Variants in NLK observed in about 807,000 individuals in gnomAD.
NLK encodes serine/threonine-protein kinase NLK.
NLK carries 11 observed loss-of-function variants against 59.0 expected under a neutral mutation model. That is an observed-to-expected ratio of 0.19 (90% CI 0.12 to 0.31). The LOEUF (loss-of-function observed/expected upper bound fraction) is 0.31. NLK is among the 10% of genes least tolerant of loss of function. The pLI is 1.00. For synonymous variants in NLK, 235 were observed against 235.9 expected (o/e 1.00, Z 0.03); for missense variants, 410 against 661.1 (o/e 0.62, Z 4.16).
At chr17:28,201,556 G>C in the NLK span, among the ~76,000 whole-genome samples, 5 of 151,462 alleles carry the variant, frequency 3.3e-5, no homozygotes, top group Non-Finnish European at 7.4e-5. Flanking sequence ...AAAAAGAAAA[G>C]AAAAGAAAAA....
intron 1 of NLK, among the ~76,000 whole-genome samples, chr17:28,054,490 A>T (rs945903727): frequency 1.3e-5 from 2 of 152,250 alleles, no homozygotes; most frequent in African/African-American, 4.8e-5. Flanking sequence ...GTCGACCAAC[A>T]AAGCACCTTT....
chr17:28,144,396 CAAA>C (rs984366292), intron 3 of NLK, among the ~76,000 whole-genome samples: 2 of 81,572 alleles, frequency 2.5e-5, no homozygotes, highest in Admixed American at 1.2e-4. Flanking sequence ...CAGGTGAAGC[CAAA>C]AAAAAAAAAA....
chr17:28,158,309 A>G (rs889241295), intron 3 of NLK, among the ~76,000 whole-genome samples: 3 of 152,240 alleles, frequency 2.0e-5, no homozygotes, highest in Non-Finnish European at 4.4e-5. Context: ...CAGTAAAAAT[A>G]TGATATAAAA....
chr17:28,200,323 A>AT (rs1164121960), downstream of NLK, among the ~76,000 whole-genome samples: 2 of 151,966 alleles, frequency 1.3e-5, no homozygotes, highest in Non-Finnish European at 2.9e-5. Flanking sequence ...TTTTGAGCTA[A>AT]TTTTTGTATA....
intron 1 of NLK, among the ~76,000 whole-genome samples, chr17:28,073,573 A>T (rs146150942): frequency 6.6e-6 from 1 of 152,260 alleles, no homozygotes; most frequent in African/African-American, 2.4e-5. Context: ...CTTTTATTCT[A>T]TACTCATATC....
Position 28,168,579 on chromosome 17 carries a change from C to T in NLK, c.969C>T (p.Asp323=). Residue 323 remains aspartate (D), a synonymous_variant, in exon 6 of 11, where the codon GAC becomes GAT. Coordinates refer to ENST00000407008, the MANE Select transcript of NLK (RefSeq NM_016231.5). ...MGSRHYSNAI[D]IWSVGCIFAE... ...GCCGTCATTACAGCAATGCTATTGA[C>T]ATCTGGTCTGTGGGATGTATCTTTG... 6.2e-7 allele frequency: 1 copy of T among 1,613,874 alleles called. No individual in the cohort carries two copies. The highest frequency in any genetic ancestry group is 1.6e-4 in the Middle Eastern group (1 of 6,062).
intron 1 of NLK, among the ~76,000 whole-genome samples, chr17:28,115,935 C>T (rs1013292911): frequency 1.6e-4 from 24 of 151,488 alleles, no homozygotes; most frequent in African/African-American, 5.6e-4. Flanking sequence ...TATAATTAGA[C>T]CCCATTATAC....
At chr17:28,100,566 C>A (rs1323836982) in intron 1 of NLK, among the ~76,000 whole-genome samples, 4 of 152,102 alleles carry the variant, frequency 2.6e-5, no homozygotes, top group African/African-American at 7.2e-5. Flanking sequence ...AGTGTGGAGA[C>A]CTTCCCTCAG....
At chr17:28,060,822 G>A (rs1010729784) in intron 1 of NLK, among the ~76,000 whole-genome samples, 1 of 152,180 alleles carries the variant, frequency 6.6e-6, no homozygotes, top group African/African-American at 2.4e-5. Flanking sequence ...ATGGATGGAT[G>A]GAGTCTTGAT....
At chr17:28,050,296 A>C (rs534081201) in intron 1 of NLK, among the ~76,000 whole-genome samples, 14 of 152,316 alleles carry the variant, frequency 9.2e-5, no homozygotes, top group African/African-American at 3.4e-4. Context: ...GCCTATATGC[A>C]GGAGACTACA....
chr17:28,097,492 G>A (rs577221410), intron 1 of NLK, among the ~76,000 whole-genome samples: 1 of 152,142 alleles, frequency 6.6e-6, no homozygotes, highest in African/African-American at 2.4e-5. Context: ...AATTGGTTAG[G>A]CATGGTCCTT....
At chr17:28,094,448 G>A (rs572673742) in intron 1 of NLK, among the ~76,000 whole-genome samples, 4 of 152,272 alleles carry the variant, frequency 2.6e-5, no homozygotes, top group South Asian at 4.2e-4. Flanking sequence ...TTTGCTGACC[G>A]AGTTCAAAGC....
intron 1 of NLK, among the ~76,000 whole-genome samples, chr17:28,045,717 A>G (rs775747723): frequency 6.6e-6 from 1 of 152,202 alleles, no homozygotes; most frequent in Non-Finnish European, 1.5e-5. Flanking sequence ...GTATGACCTA[A>G]GTAAGACTGT....
At chr17:28,130,085 G>A (rs1048890839) in intron 2 of NLK, among the ~76,000 whole-genome samples, 1 of 152,102 alleles carries the variant, frequency 6.6e-6, no homozygotes, top group African/African-American at 2.4e-5. Flanking sequence ...GAAATCCTTT[G>A]AAGAGTGTGG....
In NLK at chr17:28,042,715, A is replaced by G. The variant is rs973387674; in HGVS notation, c.-159A>G. 2 of 644,052 alleles carry G rather than the reference A, an allele frequency of 3.1e-6. No individual in the cohort carries two copies. The highest frequency in any genetic ancestry group is 3.7e-5 in the African/African-American group (2 of 53,462). 39.9% of individuals were successfully genotyped at this position (644,052 alleles called of 1,614,324 possible). On this transcript the variant is annotated 5_prime_UTR_variant, in exon 1 of 11. Transcript: ENST00000407008. The stretch of plus-strand genomic sequence containing the variant: ...ACACCCTTCCACACACGCTCACCCC[A>G]AAATTAAACACCAAGATCCTCTAAC...
chr17:28,135,979 A>G (rs1452881543), intron 3 of NLK, among the ~76,000 whole-genome samples: 3 of 152,210 alleles, frequency 2.0e-5, no homozygotes, highest in Non-Finnish European at 4.4e-5. Context: ...TAGCATAGTT[A>G]TGGTTTAAAA....
intron 3 of NLK, among the ~76,000 whole-genome samples, chr17:28,142,405 A>G (rs1907041021): frequency 6.6e-6 from 1 of 152,234 alleles, no homozygotes; most frequent in Non-Finnish European, 1.5e-5. Context: ...AGAGAAGCAC[A>G]GGCATGCTTC....
At chr17:28,095,445 ACTCAACAT>A (rs1904667391) in intron 1 of NLK, among the ~76,000 whole-genome samples, 1 of 152,176 alleles carries the variant, frequency 6.6e-6, no homozygotes, top group Non-Finnish European at 1.5e-5. Flanking sequence ...TCAGACTGTA[ACTCAACAT>A]AGTTGTGGAA....
rs143815632 is a variant in NLK at position 28,081,768 on chromosome 17, T to G, written c.458+38437T>G. Reference sequence around the variant, plus strand: ...TATTGACATCTCCAAGCAAATTCCCTGTCCCTAAGAAAATCAACCTGCAGG... The same window carrying G: ...TATTGACATCTCCAAGCAAATTCCCGGTCCCTAAGAAAATCAACCTGCAGG... On this transcript the variant is annotated intron_variant, in intron 1 of 10. Coordinates refer to ENST00000407008, the MANE Select transcript of NLK (RefSeq NM_016231.5). Among the ~76,000 whole-genome samples the G allele has an allele frequency of 2.2e-4, 34 of 152,332 alleles. 1 individual carries two copies. The highest frequency in any genetic ancestry group is 6.5e-4 in the African/African-American group (27 of 41,584).
Sources: allele counts gnomAD v4.1 joint callset (sites outside exome capture counted in the v4.1 genomes callset), GRCh38; gene constraint gnomAD v4.1.1; transcripts MANE v1.5; gene names NCBI Gene and HGNC (gene_info 2026-07-23, HGNC 2026-07-21).